Variants in WFS1 observed in about 807,000 individuals in gnomAD.
WFS1 encodes the protein wolframin.
Under a neutral mutation model 68.5 loss-of-function variants are expected in WFS1, and 90 were observed. The observed-to-expected ratio is 1.31, with a 90% CI of 1.11 to 1.56. WFS1 has a LOEUF of 1.56. Among genes scored for constraint, WFS1 ranks in the 40% most tolerant of loss-of-function variants. The pLI, the probability that WFS1 is intolerant of heterozygous loss-of-function variation, is 0.00. For missense variants in WFS1, 1,767 were observed against 1,232.6 expected (o/e 1.43, Z -6.49); for synonymous variants, 860 against 540.7 (o/e 1.59, Z -8.19).
At chr4:6,291,140 T>C (rs2109116473) in intron 4 of WFS1, 57 bp from the exon 5 acceptor site, 2 of 1,589,122 alleles carry the variant, frequency 1.3e-6, no homozygotes, top group South Asian at 2.2e-5. Flanking sequence ...AGGGTCAGAG[T>C]GGCACCGAAA....
intron 3 of WFS1, 172 bp from the exon 4 acceptor site, chr4:6,288,815 G>A (rs915391013): frequency 7.3e-5 from 71 of 975,650 alleles, no homozygotes; most frequent in South Asian, 2.6e-4. Context: ...GCGAGTGGCC[G>A]GAGGCTCAGT....
At chr4:6,295,212 A>G in intron 7 of WFS1, 23 bp downstream of exon 7, 1 of 1,610,324 alleles carries the variant, frequency 6.2e-7, no homozygotes. Context: ...GACCCCGGTC[A>G]GGCCGGAGCC....
At chr4:6,278,935 G>A (rs1206012266) in intron 2 of WFS1, among the ~76,000 whole-genome samples, 1 of 152,258 alleles carries the variant, frequency 6.6e-6, no homozygotes, top group African/African-American at 2.4e-5. Flanking sequence ...GCAAAGGACA[G>A]AGTCCAAGAC....
At position 6,269,918 on chromosome 4, in the gene WFS1, C is replaced by T. The variant is rs921893694; in HGVS notation, c.-102C>T. ...ATTGCTCCCCCGCGGCCGCAGATCT[C>T]CCGTTTGCGCCGCGTTCAGCTGCTC... On this transcript the variant is annotated 5_prime_UTR_variant, in exon 1 of 8. Transcript: ENST00000226760. 2 of 152,230 alleles carry T rather than the reference C, an allele frequency of 1.3e-5. No individual in the cohort carries two copies. Among genetic ancestry groups the T allele is most frequent in the African/African-American group, 4.8e-5 (2 of 41,468 alleles). The allele number at this position is 152,230 out of a possible 1,614,324, so 9.4% of individuals were successfully genotyped here. A position where few individuals can be genotyped will look rare whatever the true frequency, so the allele number is the denominator to read the frequency against.
Sources: gnomAD v4.1 joint callset for allele counts (sites outside exome capture counted in the v4.1 genomes callset) on GRCh38, gnomAD v4.1.1 for gene constraint, MANE v1.5 for transcripts, NCBI Gene and HGNC (gene_info 2026-07-23, HGNC 2026-07-21) for gene names.